SEMA3C: variants seen among roughly 807,000 people sequenced by gnomAD.
The protein encoded by SEMA3C is semaphorin-3C.
In SEMA3C, 47 loss-of-function variants were observed where a neutral mutation model predicts 89.4. The ratio of observed to expected loss-of-function variants is 0.53; its 90% CI spans 0.42 to 0.67. The LOEUF (loss-of-function observed/expected upper bound fraction) is 0.67, where lower values mean the gene tolerates loss of function less well. Among genes scored for constraint, SEMA3C ranks in the 30% least tolerant of loss-of-function variants. The pLI is 0.00. For synonymous variants in SEMA3C, 310 were observed against 320.2 expected, an observed-to-expected ratio of 0.97 and a Z score of 0.34; for missense variants, 839 against 929.1, an observed-to-expected ratio of 0.90 and a Z score of 1.26.
chr7:80,752,289 C>G (rs570507657), intron 15 of SEMA3C, among the ~76,000 whole-genome samples: 2 of 152,172 alleles, frequency 1.3e-5, no homozygotes, highest in South Asian at 4.1e-4. Context: ...TTAGTTGTTA[C>G]GTATTATTAG....
At chr7:80,914,708 A>T (rs191366831) in intron 2 of SEMA3C, among the ~76,000 whole-genome samples, 129 of 152,266 alleles carry the variant, frequency 8.5e-4, no homozygotes, top group Non-Finnish European at 1.2e-3. Flanking sequence ...GAATTATAGA[A>T]CTTTGAGATC....
At chr7:80,877,525 C>G (rs1010456971) in intron 2 of SEMA3C, among the ~76,000 whole-genome samples, 2 of 152,160 alleles carry the variant, frequency 1.3e-5, no homozygotes, top group African/African-American at 4.8e-5. Flanking sequence ...ACCATACTCC[C>G]TCATGTAGTC....
At chr7:80,855,390 C>T (rs1461824730) in intron 2 of SEMA3C, among the ~76,000 whole-genome samples, 1 of 152,100 alleles carries the variant, frequency 6.6e-6, no homozygotes, top group Non-Finnish European at 1.5e-5. Context: ...CCCAATTCAG[C>T]CTCTGGAGTA....
intron 13 of SEMA3C, among the ~76,000 whole-genome samples, chr7:80,763,404 C>T (rs951246003): frequency 3.9e-5 from 6 of 152,176 alleles, no homozygotes; most frequent in African/African-American, 1.4e-4. Flanking sequence ...ACTGTGTTTC[C>T]TGACTTGGCC....
chr7:80,814,530 T>C (rs879453329), intron 5 of SEMA3C, among the ~76,000 whole-genome samples: 2 of 152,154 alleles, frequency 1.3e-5, no homozygotes, highest in Non-Finnish European at 2.9e-5. Flanking sequence ...CACACTTTTC[T>C]TGGGCTCCAG....
chr7:80,748,807 CT>C, intron 17 of SEMA3C, 90 bp downstream of exon 17: 1 of 1,309,368 alleles, frequency 7.6e-7, no homozygotes. Context: ...TATGCCTTTC[CT>C]TTTTCCTTTG....
chr7:80,775,162 T>G (rs1788518865), intron 12 of SEMA3C, among the ~76,000 whole-genome samples: 1 of 150,866 alleles, frequency 6.6e-6, no homozygotes, highest in Admixed American at 6.6e-5. Context: ...GCATGGAAAT[T>G]TTGTTGCCTG....
At chr7:80,788,646 T>A (rs1170294488) in intron 12 of SEMA3C, among the ~76,000 whole-genome samples, 1 of 152,178 alleles carries the variant, frequency 6.6e-6, no homozygotes, top group Non-Finnish European at 1.5e-5. Context: ...TCAACTTCTA[T>A]CAGAGTAAAC....
At chr7:80,839,044 T>A (rs2115867169) in intron 2 of SEMA3C, among the ~76,000 whole-genome samples, 1 of 152,298 alleles carries the variant, frequency 6.6e-6, no homozygotes, top group African/African-American at 2.4e-5. Flanking sequence ...TTGTTCCTTG[T>A]ATGGTAAGTA....
rs1337576547 is a variant in SEMA3C, at chr7:80,750,499, CACAT to C, written c.1711+766_1711+769del. On this transcript the variant is annotated intron_variant, in intron 16 of 17. Transcript: ENST00000265361. ...ACACACACACACACACACACACACA[CACAT>C]ACACACACACACATTATATATATGC... Among the ~76,000 whole-genome samples, 599 of 140,788 alleles carry C rather than the reference CACAT, an allele frequency of 4.3e-3. 6 individuals carry two copies. The highest frequency in any genetic ancestry group is 0.01 in the African/African-American group (377 of 36,838). 92.4% of individuals were successfully genotyped at this position (140,788 alleles called of 152,430 possible). A position where few individuals can be genotyped will look rare whatever the true frequency, so the allele number is the denominator to read the frequency against.
At chr7:80,781,686 A>T (rs560879824) in intron 12 of SEMA3C, among the ~76,000 whole-genome samples, 163 of 152,248 alleles carry the variant, frequency 1.1e-3, no homozygotes, top group Non-Finnish European at 1.6e-3. Context: ...GCAGCACATC[A>T]AGAACAAAAA....
At chr7:80,892,938 T>C (rs1287086764) in intron 2 of SEMA3C, among the ~76,000 whole-genome samples, 1 of 152,166 alleles carries the variant, frequency 6.6e-6, no homozygotes, top group Admixed American at 6.6e-5. Context: ...TTATTCTTAT[T>C]TTCTTATTCT....
Position 80,744,777 on chromosome 7 carries a change from G to A in SEMA3C, c.*117C>T. 2.6e-6 allele frequency: 3 copies of A among 1,144,280 alleles called. No individual in the cohort carries two copies. Among genetic ancestry groups the A allele is most frequent in the South Asian group, 2.6e-5 (2 of 75,476 alleles). 70.9% of individuals were successfully genotyped at this position (1,144,280 alleles called of 1,614,324 possible). A position where few individuals can be genotyped will look rare whatever the true frequency, so the allele number is the denominator to read the frequency against. On this transcript the variant is annotated 3_prime_UTR_variant, in exon 18 of 18. Coordinates refer to ENST00000265361, the MANE Select transcript of SEMA3C (RefSeq NM_006379.5). ...TCAGTTCGTGTAAAACTCACTTCAGGAGTAATCACCTTTTTCAGTAATTCC... is the reference window on the plus strand; with the variant it reads ...TCAGTTCGTGTAAAACTCACTTCAGAAGTAATCACCTTTTTCAGTAATTCC...
intron 12 of SEMA3C, among the ~76,000 whole-genome samples, chr7:80,774,092 G>A (rs545291327): frequency 1.3e-5 from 2 of 152,310 alleles, no homozygotes; most frequent in Non-Finnish European, 1.5e-5. Context: ...AGATGTGGAA[G>A]GGAGAGATTT....
chr7:80,908,667 T>A (rs1002777177), intron 2 of SEMA3C, among the ~76,000 whole-genome samples: 6 of 152,132 alleles, frequency 3.9e-5, no homozygotes, highest in Non-Finnish European at 7.4e-5. Flanking sequence ...AGGGATGGAT[T>A]ACTTCCTTTT....
rs1048145120 is a variant in SEMA3C, at chr7:80,819,879, T to C, written c.328-1461A>G. On this transcript the variant is annotated intron_variant, in intron 4 of 17. Transcript: ENST00000265361. ...GACTATAATTCAATCAAGCCTGAGA[T>C]TGAATGACTTCATGAAGTCATTCTC... Among the ~76,000 whole-genome samples the C allele has an allele frequency of 4.6e-5, 7 of 152,132 alleles. No individual in the cohort carries two copies. The East Asian group carries it at 7.7e-4, about 17-fold the overall frequency.
intron 5 of SEMA3C, among the ~76,000 whole-genome samples, chr7:80,814,268 T>G (rs1789546037): frequency 6.6e-6 from 1 of 152,038 alleles, no homozygotes; most frequent in Admixed American, 6.5e-5. Flanking sequence ...TTTTGTATTT[T>G]TAGTAGAGAT....
upstream of SEMA3C, among the ~76,000 whole-genome samples, chr7:80,920,156 A>G (rs531397265): frequency 2.7e-4 from 41 of 152,178 alleles, no homozygotes; most frequent in Admixed American, 5.2e-4. Flanking sequence ...TTCCAGCATT[A>G]CTTTCAGGTA....
At chr7:80,833,277 A>G (rs1244593924) in intron 2 of SEMA3C, among the ~76,000 whole-genome samples, 1 of 152,012 alleles carries the variant, frequency 6.6e-6, no homozygotes, top group Non-Finnish European at 1.5e-5. Flanking sequence ...TACTAAAAAT[A>G]CAAAAATTAG....
Sources: gnomAD v4.1 joint callset for allele counts (sites outside exome capture counted in the v4.1 genomes callset) on GRCh38, gnomAD v4.1.1 for gene constraint, MANE v1.5 for transcripts, NCBI Gene and HGNC (gene_info 2026-07-23, HGNC 2026-07-21) for gene names.